The following SORCS2 variants were observed in gnomAD, a reference collection of about 807,000 sequenced individuals.
SORCS2 encodes sortilin related VPS10 domain containing receptor 2.
SORCS2 carries 100 observed loss-of-function variants against 141.6 expected under a neutral mutation model. That is an observed-to-expected ratio of 0.71 (90% CI 0.60 to 0.83). SORCS2 has a LOEUF of 0.83. Ranked by LOEUF, SORCS2 falls within the 40% of genes least tolerant of loss-of-function variation. The pLI is 0.00. For missense variants in SORCS2, 1,646 were observed against 1,560.2 expected, an observed-to-expected ratio of 1.05 and a Z score of -0.93; for synonymous variants, 789 against 676.9, an observed-to-expected ratio of 1.17 and a Z score of -2.57.
chr4:7,579,032 G>GAAAT (rs1715964537), intron 3 of SORCS2, among the ~76,000 whole-genome samples: 1 of 152,004 alleles, frequency 6.6e-6, no homozygotes, highest in Non-Finnish European at 1.5e-5. Flanking sequence ...ATGGGCAGAT[G>GAAAT]GCTATAATTT....
chr4:7,729,766 G>A (rs948702907), intron 23 of SORCS2, 54 bp downstream of exon 23: 33 of 1,573,628 alleles, frequency 2.1e-5, no homozygotes, highest in South Asian at 8.1e-5. Flanking sequence ...CCCAGGGCTC[G>A]GGTCATTTAC....
chr4:7,604,491 G>C (rs146283272), intron 3 of SORCS2, among the ~76,000 whole-genome samples: 3 of 152,238 alleles, frequency 2.0e-5, no homozygotes, highest in African/African-American at 7.2e-5. Flanking sequence ...CTCATTTTTT[G>C]TATTTTTAGT....
At chr4:7,596,606 T>G (rs1376263446) in intron 3 of SORCS2, among the ~76,000 whole-genome samples, 1 of 152,212 alleles carries the variant, frequency 6.6e-6, no homozygotes, top group Non-Finnish European at 1.5e-5. Flanking sequence ...AGTTAATTTC[T>G]TTTAACGTAA....
chr4:7,577,667 T>C (rs557235889), intron 3 of SORCS2, among the ~76,000 whole-genome samples: 2 of 148,440 alleles, frequency 1.3e-5, no homozygotes, highest in East Asian at 2.0e-4. Context: ...AGAAGTCATA[T>C]AGCATACAGG....
Position 7,662,655 on chromosome 4 carries a change from C to T in SORCS2, c.952+1091C>T, listed in dbSNP as rs79217013. On this transcript the variant is annotated intron_variant, in intron 6 of 26. Coordinates refer to ENST00000507866, the MANE Select transcript of SORCS2 (RefSeq NM_020777.3). Reference sequence around the variant, plus strand: ...AAGATTCACTGTCCGCATCACACCACGTTGTCAGGGTTAGCTGTCTGCCCT... The same window carrying T: ...AAGATTCACTGTCCGCATCACACCATGTTGTCAGGGTTAGCTGTCTGCCCT... Among the ~76,000 whole-genome samples, 393 of 152,358 alleles carry T rather than the reference C, an allele frequency of 2.6e-3. 2 individuals carry two copies. The highest frequency in any genetic ancestry group is 9.1e-3 in the African/African-American group (377 of 41,584).
At chr4:7,501,971 C>T (rs1447728528) in intron 2 of SORCS2, among the ~76,000 whole-genome samples, 1 of 152,236 alleles carries the variant, frequency 6.6e-6, no homozygotes, top group Non-Finnish European at 1.5e-5. Context: ...TGTGGGCGCA[C>T]TCCCGGCTTC....
intron 1 of SORCS2, among the ~76,000 whole-genome samples, chr4:7,382,205 G>A (rs574638436): frequency 3.9e-5 from 6 of 152,294 alleles, no homozygotes; most frequent in Non-Finnish European, 5.9e-5. Flanking sequence ...GGAGCTGAGC[G>A]GGGAGCAATG....
intron 1 of SORCS2, among the ~76,000 whole-genome samples, chr4:7,376,414 G>A (rs914677711): frequency 1.3e-5 from 2 of 151,992 alleles, no homozygotes; most frequent in African/African-American, 4.8e-5. Flanking sequence ...CCGTCTTTAC[G>A]AAAAATACAA....
intron 22 of SORCS2, among the ~76,000 whole-genome samples, chr4:7,728,685 G>A (rs912267618): frequency 2.0e-5 from 3 of 152,202 alleles, no homozygotes; most frequent in Admixed American, 2.0e-4. Flanking sequence ...CACCTCACAG[G>A]GGAGGGACCA....
intron 2 of SORCS2, among the ~76,000 whole-genome samples, chr4:7,485,428 C>T (rs2013388): frequency 0.099 from 15,093 of 152,308 alleles, 977 homozygotes; most frequent in East Asian, 0.25. Flanking sequence ...CTACTCCACC[C>T]ACACCAGGTT....
chr4:7,724,135 G>GAT (rs1726812762), intron 19 of SORCS2, among the ~76,000 whole-genome samples: 1 of 143,568 alleles, frequency 7.0e-6, no homozygotes, highest in Admixed American at 7.0e-5. Flanking sequence ...TGGTGGTGGT[G>GAT]GTGGTGATGG....
At chr4:7,511,834 C>T (rs897309062) in intron 2 of SORCS2, among the ~76,000 whole-genome samples, 3 of 152,176 alleles carry the variant, frequency 2.0e-5, no homozygotes, top group Admixed American at 6.5e-5. Flanking sequence ...TTTGGCCTGG[C>T]CTGTTTCCAG....
intron 2 of SORCS2, among the ~76,000 whole-genome samples, chr4:7,408,812 C>A (rs1725132411): frequency 6.6e-6 from 1 of 151,238 alleles, no homozygotes; most frequent in African/African-American, 2.4e-5. Flanking sequence ...TTTCTTTTTT[C>A]TCCTCTGACT....
chr4:7,569,562 G>A (rs1000681198), intron 3 of SORCS2, among the ~76,000 whole-genome samples: 2 of 152,200 alleles, frequency 1.3e-5, no homozygotes, highest in African/African-American at 2.4e-5. Context: ...ATAGTGCTGT[G>A]TGTGTACAAT....
chr4:7,253,546 G>C (rs1264077113), intron 1 of SORCS2, among the ~76,000 whole-genome samples: 2 of 152,222 alleles, frequency 1.3e-5, no homozygotes, highest in African/African-American at 4.8e-5. Context: ...TGAGTGCCGG[G>C]GCGGAGGAGG....
intron 14 of SORCS2, among the ~76,000 whole-genome samples, chr4:7,711,265 G>A (rs1016001158): frequency 5.3e-5 from 8 of 152,220 alleles, no homozygotes; most frequent in Non-Finnish European, 7.3e-5. Context: ...GAGGTGCCCC[G>A]TGGAGCCAAA....
intron 1 of SORCS2, among the ~76,000 whole-genome samples, chr4:7,333,853 C>T (rs7689486): frequency 1.3e-5 from 2 of 152,178 alleles, no homozygotes; most frequent in Non-Finnish European, 2.9e-5. Context: ...CCAGGGAAGC[C>T]GCATTTCTCC....
chr4:7,225,449 A>G (rs1365776719), intron 1 of SORCS2, among the ~76,000 whole-genome samples: 3 of 152,240 alleles, frequency 2.0e-5, no homozygotes, highest in Non-Finnish European at 4.4e-5. Flanking sequence ...AGAAATGTTT[A>G]CTGCATCACC....
Position 7,724,910 on chromosome 4 carries a change from T to TGGTGA in SORCS2, c.2612-244_2612-243insGGTGA, listed in dbSNP as rs1560115059. 3.2e-4 allele frequency among the ~76,000 whole-genome samples: 9 copies of TGGTGA among 28,428 alleles called. 2 individuals are homozygous for TGGTGA. The highest frequency in any genetic ancestry group is 1.3e-3 in the East Asian group (1 of 780). 18.6% of individuals were successfully genotyped at this position (28,428 alleles called of 152,430 possible). A position where few individuals can be genotyped will look rare whatever the true frequency, so the allele number is the denominator to read the frequency against. On this transcript the variant is annotated intron_variant, in intron 19 of 26. Transcript: ENST00000507866. ...GGTGTTGGTGATGGTGGTGATAGTA[T>TGGTGA]TGGTGGGAATGGATGGTGGTAGTAG...
Sources: allele counts gnomAD v4.1 joint callset (sites outside exome capture counted in the v4.1 genomes callset), GRCh38; gene constraint gnomAD v4.1.1; transcripts MANE v1.5; gene names NCBI Gene and HGNC (gene_info 2026-07-23, HGNC 2026-07-21).